The following COL28A1 variants were observed in gnomAD, a reference collection of about 807,000 sequenced individuals.
The protein encoded by COL28A1 is collagen alpha-1(XXVIII) chain.
A neutral mutation model predicts 150.2 loss-of-function variants in COL28A1; 161 were observed. The ratio of observed to expected loss-of-function variants is 1.07; its 90% CI spans 0.94 to 1.22. COL28A1 has a LOEUF of 1.22. Among genes scored for constraint, COL28A1 ranks in the 50% most tolerant of loss-of-function variants. The pLI, the probability that COL28A1 is intolerant of heterozygous loss-of-function variation, is 0.00. For synonymous variants in COL28A1, 552 were observed against 469.7 expected (o/e 1.18, Z -2.26); for missense variants, 1,617 against 1,388.3 (o/e 1.16, Z -2.62).
At chr7:7,406,868 TTTTTA>T (rs1432253284) in intron 27 of COL28A1, among the ~76,000 whole-genome samples, 1 of 152,166 alleles carries the variant, frequency 6.6e-6, no homozygotes, top group Non-Finnish European at 1.5e-5. Flanking sequence ...TCTTTCTTTT[TTTTTA>T]ATCTTTAAAA....
chr7:7,368,404 TG>T (rs1442554377), intron 33 of COL28A1, among the ~76,000 whole-genome samples: 3 of 152,056 alleles, frequency 2.0e-5, no homozygotes, highest in African/African-American at 7.2e-5. Flanking sequence ...TTTTGTTTTT[TG>T]CTAGGAATAC....
At chr7:7,415,554 G>C (rs1315109453) in intron 27 of COL28A1, among the ~76,000 whole-genome samples, 1 of 152,122 alleles carries the variant, frequency 6.6e-6, no homozygotes, top group East Asian at 1.9e-4. Flanking sequence ...TGTTTTTTGA[G>C]ACAGAGTCTA....
At position 7,417,904 on chromosome 7, in the gene COL28A1, C is replaced by CA; in HGVS notation, c.2090dup (p.Leu697PhefsTer16). 6 of 1,613,380 alleles carry CA rather than the reference C, an allele frequency of 3.7e-6. No homozygotes were observed. The highest frequency in any genetic ancestry group is 5.1e-6 in the Non-Finnish European group (6 of 1,179,678). On this transcript the variant is annotated frameshift_variant, in exon 27 of 35. Coordinates refer to ENST00000399429, the MANE Select transcript of COL28A1 (RefSeq NM_001037763.3). LOFTEE classifies it high-confidence loss of function. ...AGCCAGGGGGGCCAGGAGGGCCAGG[C>CA]AAGCCTTTCTGCCCAGTATCACCCT...
chr7:7,355,534 C>A (rs989024811), downstream of COL28A1, among the ~76,000 whole-genome samples: 5 of 151,908 alleles, frequency 3.3e-5, no homozygotes, highest in African/African-American at 1.2e-4. Context: ...CACTTGAGTC[C>A]GGGAGGTGGA....
intron 18 of COL28A1, among the ~76,000 whole-genome samples, chr7:7,446,654 A>T (rs1786286215): frequency 6.6e-6 from 1 of 152,244 alleles, no homozygotes; most frequent in Non-Finnish European, 1.5e-5. Flanking sequence ...CAATGGCAAG[A>T]CAAGAAAACA....
chr7:7,430,716 C>A (rs929079826), intron 25 of COL28A1, among the ~76,000 whole-genome samples: 1 of 151,948 alleles, frequency 6.6e-6, no homozygotes, highest in African/African-American at 2.4e-5. Context: ...TCACTCACAG[C>A]GTAAGATAAT....
chr7:7,392,158 T>G (rs1782582464), intron 27 of COL28A1, among the ~76,000 whole-genome samples: 1 of 152,212 alleles, frequency 6.6e-6, no homozygotes, highest in Non-Finnish European at 1.5e-5. Context: ...CAGGAGCTCT[T>G]GTAAGGCAGG....
Position 7,430,704 on chromosome 7 carries a change from T to C in COL28A1, c.1998+1769A>G, listed in dbSNP as rs771089777. The stretch of plus-strand genomic sequence containing the variant: ...TTCAATATACAAGTTTTTACCATTG[T>C]TTCACTCACAGCGTAAGATAATGAG... On this transcript the variant is annotated intron_variant, in intron 25 of 34. Coordinates refer to ENST00000399429, the MANE Select transcript of COL28A1 (RefSeq NM_001037763.3). Among the ~76,000 whole-genome samples the C allele has an allele frequency of 4.1e-4, 63 of 152,322 alleles. 1 individual carries two copies. Among genetic ancestry groups the C allele is most frequent in the Non-Finnish European group, 8.2e-4 (56 of 68,030 alleles).
At chr7:7,364,259 G>C (rs1780819155) in intron 33 of COL28A1, among the ~76,000 whole-genome samples, 2 of 152,256 alleles carry the variant, frequency 1.3e-5, no homozygotes, top group East Asian at 1.9e-4. Flanking sequence ...TTGGCACATT[G>C]ATTATTTTGA....
chr7:7,338,977 A>G, the COL28A1 span, among the ~76,000 whole-genome samples: 1 of 151,820 alleles, frequency 6.6e-6, no homozygotes, highest in Non-Finnish European at 1.5e-5. Flanking sequence ...TACCTGAAAC[A>G]CCCAAGCCAA....
intron 3 of COL28A1, among the ~76,000 whole-genome samples, chr7:7,528,655 C>T (rs1238514448): frequency 1.7e-4 from 26 of 152,124 alleles, no homozygotes; most frequent in Admixed American, 1.7e-3. Context: ...ATAATACATA[C>T]TATTTGAGTT....
At chr7:7,361,291 T>C (rs1196108088) in intron 33 of COL28A1, among the ~76,000 whole-genome samples, 1 of 55,470 alleles carries the variant, frequency 1.8e-5, no homozygotes. Flanking sequence ...AAGAAAGGCA[T>C]TTTACTTTTT....
At chr7:7,411,552 C>T (rs1386305462) in intron 27 of COL28A1, among the ~76,000 whole-genome samples, 1 of 152,102 alleles carries the variant, frequency 6.6e-6, no homozygotes, top group East Asian at 1.9e-4. Flanking sequence ...GTCCCCCTCC[C>T]CTGATCCTTT....
At chr7:7,416,262 G>C (rs1452816578) in intron 27 of COL28A1, among the ~76,000 whole-genome samples, 1 of 152,182 alleles carries the variant, frequency 6.6e-6, no homozygotes, top group African/African-American at 2.4e-5. Flanking sequence ...TCAGGACCTG[G>C]TTTCACCCAG....
chr7:7,403,515 G>A (rs980451489), intron 27 of COL28A1, among the ~76,000 whole-genome samples: 1 of 152,096 alleles, frequency 6.6e-6, no homozygotes, highest in South Asian at 2.1e-4. Context: ...TTATTAAAAA[G>A]TACATTCCAG....
rs532698051 is a variant in COL28A1, at chr7:7,459,585, T to C, written c.1303-3473A>G. ...TCTCTGCTTTTTTATACATTTCTTATATCCTTCCCCCTCTGGCAGCTTCAC... is the reference window on the plus strand; with the variant it reads ...TCTCTGCTTTTTTATACATTTCTTACATCCTTCCCCCTCTGGCAGCTTCAC... On this transcript the variant is annotated intron_variant, in intron 15 of 34. Transcript: ENST00000399429. 8.5e-5 allele frequency among the ~76,000 whole-genome samples: 13 copies of C among 152,372 alleles called. No individual in the cohort carries two copies. The South Asian group carries it at 2.7e-3, about 32-fold the overall frequency.
chr7:7,507,013 A>G (rs1780845624), intron 10 of COL28A1, 104 bp downstream of exon 10: 5 of 679,804 alleles, frequency 7.4e-6, no homozygotes, highest in Non-Finnish European at 1.3e-5. Flanking sequence ...CAATCCCCAG[A>G]CATTCTGATT....
chr7:7,363,203 A>T (rs1780759816), intron 33 of COL28A1, among the ~76,000 whole-genome samples: 1 of 152,222 alleles, frequency 6.6e-6, no homozygotes, highest in South Asian at 2.1e-4. Flanking sequence ...AGACTGTTCC[A>T]TTGAAGAGGC....
chr7:7,503,607 G>C (rs1356391851), intron 11 of COL28A1, among the ~76,000 whole-genome samples: 4 of 152,136 alleles, frequency 2.6e-5, no homozygotes, highest in African/African-American at 9.7e-5. Context: ...TCAAAGTATA[G>C]TACATTCTGG....
Sources: allele counts gnomAD v4.1 joint callset (sites outside exome capture counted in the v4.1 genomes callset), GRCh38; gene constraint gnomAD v4.1.1; transcripts MANE v1.5; gene names NCBI Gene and HGNC (gene_info 2026-07-23, HGNC 2026-07-21).